RNF180: variants seen among roughly 807,000 people sequenced by gnomAD.
RNF180 encodes the protein ring finger protein 180, also known as E3 ubiquitin-protein ligase RNF180.
Under a neutral mutation model 59.2 loss-of-function variants are expected in RNF180, and 38 were observed. That is an observed-to-expected ratio of 0.64 (90% CI 0.50 to 0.84). The LOEUF (loss-of-function observed/expected upper bound fraction) is 0.84, where lower values mean the gene tolerates loss of function less well. Ranked by LOEUF, RNF180 falls within the 40% of genes least tolerant of loss-of-function variation. The probability of loss-of-function intolerance (pLI) is 0.00; values close to 1 mark genes in which losing one functional copy is unlikely to be tolerated. For synonymous variants in RNF180, 262 were observed against 240.3 expected, an observed-to-expected ratio of 1.09 and a Z score of -0.84; for missense variants, 705 against 700.9, an observed-to-expected ratio of 1.01 and a Z score of -0.07.
Position 64,237,972 on chromosome 5 carries a change from C to T in RNF180, c.1227+20576C>T, listed in dbSNP as rs187641994. On this transcript the variant is annotated intron_variant, in intron 5 of 7. Transcript: ENST00000389100. Reference sequence around the variant, plus strand: ...TATGTGGAACTGTGAGTTAATTAATCCTCCTTTCTTTACAAATTATCCAGT... The same window carrying T: ...TATGTGGAACTGTGAGTTAATTAATTCTCCTTTCTTTACAAATTATCCAGT... Among the ~76,000 whole-genome samples, 3 of 152,270 alleles carry T rather than the reference C, an allele frequency of 2.0e-5. No individual in the cohort carries two copies. The East Asian group carries it at 5.8e-4, about 29-fold the overall frequency.
At chr5:64,324,429 C>G (rs1332284408) in intron 5 of RNF180, among the ~76,000 whole-genome samples, 1 of 152,224 alleles carries the variant, frequency 6.6e-6, no homozygotes, top group African/African-American at 2.4e-5. Context: ...AACGTGGGGA[C>G]AACATGCAAA....
At chr5:64,279,819 G>A (rs1004846068) in intron 5 of RNF180, among the ~76,000 whole-genome samples, 4 of 152,226 alleles carry the variant, frequency 2.6e-5, no homozygotes, top group African/African-American at 7.2e-5. Context: ...TTGGCCAGAC[G>A]TGGTGGCTCA....
intron 2 of RNF180, among the ~76,000 whole-genome samples, chr5:64,207,764 A>T (rs1290689176): frequency 6.6e-6 from 1 of 152,148 alleles, no homozygotes; most frequent in Non-Finnish European, 1.5e-5. Context: ...TCAAAGTACA[A>T]ATAGACAAAC....
intron 1 of RNF180, among the ~76,000 whole-genome samples, chr5:64,185,479 C>T (rs988864037): frequency 6.6e-6 from 1 of 152,248 alleles, no homozygotes; most frequent in East Asian, 1.9e-4. Flanking sequence ...CATTTTGATT[C>T]AACCAGAAGC....
At chr5:64,208,829 G>T (rs1184657979) in intron 2 of RNF180, among the ~76,000 whole-genome samples, 1 of 151,620 alleles carries the variant, frequency 6.6e-6, no homozygotes, top group Non-Finnish European at 1.5e-5. Flanking sequence ...CTATTTAAAA[G>T]AAAAAAATAT....
At chr5:64,315,240 AC>A (rs1226510941) in intron 5 of RNF180, among the ~76,000 whole-genome samples, 1 of 152,220 alleles carries the variant, frequency 6.6e-6, no homozygotes, top group Non-Finnish European at 1.5e-5. Flanking sequence ...CAAACTTCTG[AC>A]TTTTGCTTGA....
At chr5:64,225,389 A>G (rs1741627894) in intron 5 of RNF180, among the ~76,000 whole-genome samples, 7 of 134,198 alleles carry the variant, frequency 5.2e-5, no homozygotes, top group Middle Eastern at 4.8e-3. Context: ...GGAAGTGAGG[A>G]GCGCCTCTGC....
chr5:64,243,371 T>TAGA (rs1742912669), intron 5 of RNF180, among the ~76,000 whole-genome samples: 2 of 152,200 alleles, frequency 1.3e-5, no homozygotes, highest in Admixed American at 1.3e-4. Flanking sequence ...AGTCTGAAGT[T>TAGA]GACCTGGGAC....
At chr5:64,227,062 G>T (rs1741812258) in intron 5 of RNF180, among the ~76,000 whole-genome samples, 1 of 152,176 alleles carries the variant, frequency 6.6e-6, no homozygotes, top group African/African-American at 2.4e-5. Context: ...CCTTCAGAAG[G>T]GCAGACACTC....
At chr5:64,353,782 C>T (rs1404044082) in intron 7 of RNF180, among the ~76,000 whole-genome samples, 1 of 151,648 alleles carries the variant, frequency 6.6e-6, no homozygotes, top group Non-Finnish European at 1.5e-5. Flanking sequence ...TCTTCGCTGA[C>T]CGCATAGAAT....
intron 7 of RNF180, among the ~76,000 whole-genome samples, chr5:64,333,818 A>G (rs1222095087): frequency 1.3e-5 from 2 of 152,206 alleles, no homozygotes; most frequent in African/African-American, 4.8e-5. Flanking sequence ...TCAAAGTAGC[A>G]TTATTACACC....
chr5:64,344,957 G>A (rs1008815851), intron 7 of RNF180, among the ~76,000 whole-genome samples: 4 of 151,864 alleles, frequency 2.6e-5, no homozygotes, highest in African/African-American at 9.7e-5. Flanking sequence ...CCTTCTTCAA[G>A]CCAGTTTACC....
At chr5:64,275,143 A>G (rs1741644495) in intron 5 of RNF180, among the ~76,000 whole-genome samples, 1 of 151,718 alleles carries the variant, frequency 6.6e-6, no homozygotes, top group Non-Finnish European at 1.5e-5. Flanking sequence ...AGAATTAGAA[A>G]TTAAAAGAAT....
chr5:64,273,208 CTA>C (rs1370649456), intron 5 of RNF180, among the ~76,000 whole-genome samples: 1 of 151,944 alleles, frequency 6.6e-6, no homozygotes, highest in Non-Finnish European at 1.5e-5. Context: ...GGAAGTTACT[CTA>C]TACGGTCTAA....
rs200249095 is a variant in RNF180 at position 64,368,908 on chromosome 5, C to T, written c.1580-707C>T. Among the ~76,000 whole-genome samples, 20 of 152,178 alleles carry T rather than the reference C, an allele frequency of 1.3e-4. No individual in the cohort carries two copies. In the East Asian group the frequency reaches 2.7e-3, roughly 21 times the overall value. ...ATTGTGGAAGTCAGTGTGGCGAGTC[C>T]TCAGGGATCTGGAACTAGAAATACC... On this transcript the variant is annotated intron_variant, in intron 7 of 7. Coordinates refer to ENST00000389100, the MANE Select transcript of RNF180 (RefSeq NM_001113561.2).
intron 7 of RNF180, among the ~76,000 whole-genome samples, chr5:64,345,310 A>G (rs888529299): frequency 6.6e-6 from 1 of 152,128 alleles, no homozygotes; most frequent in African/African-American, 2.4e-5. Flanking sequence ...GTGTCCGTAT[A>G]TGGCACTCTA....
At chr5:64,221,225 C>A (rs781505674) in intron 5 of RNF180, among the ~76,000 whole-genome samples, 23 of 151,926 alleles carry the variant, frequency 1.5e-4, no homozygotes, top group Non-Finnish European at 1.5e-5. Flanking sequence ...CATTCATTCT[C>A]CTCTTCCTCA....
At chr5:64,367,349 A>T (rs1029843688) in intron 7 of RNF180, among the ~76,000 whole-genome samples, 1 of 151,700 alleles carries the variant, frequency 6.6e-6, no homozygotes, top group African/African-American at 2.4e-5. Context: ...CTACAAAGAT[A>T]AACAATAAAA....
At chr5:64,356,101 C>A (rs920838118) in intron 7 of RNF180, among the ~76,000 whole-genome samples, 1 of 150,624 alleles carries the variant, frequency 6.6e-6, no homozygotes, top group Non-Finnish European at 1.5e-5. Context: ...AAAAAAAAAA[C>A]AAATTGTAAT....
Sources: allele counts gnomAD v4.1 joint callset (sites outside exome capture counted in the v4.1 genomes callset), GRCh38; gene constraint gnomAD v4.1.1; transcripts MANE v1.5; gene names NCBI Gene and HGNC (gene_info 2026-07-23, HGNC 2026-07-21).